The following SV2C variants were observed in gnomAD, a reference collection of about 807,000 sequenced individuals.
SV2C encodes solute carrier family 22 member B3.
A neutral mutation model predicts 79.7 loss-of-function variants in SV2C; 49 were observed. The observed-to-expected ratio is 0.61, with a 90% CI of 0.49 to 0.78. The LOEUF (loss-of-function observed/expected upper bound fraction) is 0.78, where lower values mean the gene tolerates loss of function less well. Ranked by LOEUF, SV2C falls within the 30% of genes least tolerant of loss-of-function variation. The pLI, the probability that SV2C is intolerant of heterozygous loss-of-function variation, is 0.00. For missense variants in SV2C, 833 were observed against 912.9 expected (o/e 0.91, Z 1.13); for synonymous variants, 334 against 333.2 (o/e 1.00, Z -0.03).
chr5:75,847,784 A>C, the SV2C span, among the ~76,000 whole-genome samples: 65 of 152,298 alleles, frequency 4.3e-4, no homozygotes, highest in Non-Finnish European at 7.6e-4. Context: ...GCTAGAGGAG[A>C]GGAGATTTTA....
intron 1 of SV2C, among the ~76,000 whole-genome samples, chr5:76,115,166 C>T (rs1357259413): frequency 6.6e-6 from 1 of 152,166 alleles, no homozygotes; most frequent in Non-Finnish European, 1.5e-5. Context: ...AATTTAGGAA[C>T]AATCGCGCGT....
chr5:75,916,993 C>T, the SV2C span, among the ~76,000 whole-genome samples: 1 of 152,158 alleles, frequency 6.6e-6, no homozygotes, highest in African/African-American at 2.4e-5. Context: ...GATTCTCCAC[C>T]GTCTCCAAAT....
Position 76,329,666 on chromosome 5 carries a change from T to C in SV2C, c.*4119T>C, listed in dbSNP as rs550590055. The C allele has an allele frequency of 1.3e-5, 2 of 152,356 alleles. No individual in the cohort carries two copies. Among genetic ancestry groups the C allele is most frequent in the South Asian group, 4.1e-4 (2 of 4,828 alleles). The allele number at this position is 152,356 out of a possible 1,614,324, so 9.4% of individuals were successfully genotyped here. On this transcript the variant is annotated 3_prime_UTR_variant, in exon 13 of 13. Coordinates refer to ENST00000502798, the MANE Select transcript of SV2C (RefSeq NM_014979.4). ...TTTCCAAAGCAGTCCAGGGGAATAC[T>C]TTCTGATTCCCTCTGCCAATCAAAA...
At chr5:76,021,743 T>A in the SV2C span, among the ~76,000 whole-genome samples, 2 of 152,194 alleles carry the variant, frequency 1.3e-5, no homozygotes, top group Non-Finnish European at 2.9e-5. Flanking sequence ...TGCTGGTGAT[T>A]CATTTGAAAT....
At chr5:75,980,189 AC>A in the SV2C span, among the ~76,000 whole-genome samples, 2 of 152,186 alleles carry the variant, frequency 1.3e-5, no homozygotes, top group African/African-American at 4.8e-5. Context: ...CCCTGAACAG[AC>A]CTGTAAAGAG....
intron 4 of SV2C, among the ~76,000 whole-genome samples, chr5:76,251,223 A>G (rs1223500460): frequency 6.6e-6 from 1 of 152,126 alleles, no homozygotes; most frequent in African/African-American, 2.4e-5. Context: ...TTGGCATGCA[A>G]TAGAGTCACC....
chr5:76,250,738 C>T (rs1319963494), intron 4 of SV2C, among the ~76,000 whole-genome samples: 1 of 152,152 alleles, frequency 6.6e-6, no homozygotes, highest in Non-Finnish European at 1.5e-5. Context: ...TATGCTGGCT[C>T]AGTACTAAGC....
At position 76,300,775 on chromosome 5, in the gene SV2C, G is replaced by A. The variant is rs199778431; in HGVS notation, c.1683G>A (p.Ser561=). The change falls in exon 11 of 13, where the codon TCG becomes TCA. Residue 561 remains serine (S), a synonymous_variant. Transcript: ENST00000502798. ...TTGACAGTGAATTTAAAAACTGCTC[G>A]TTTTTTCACAACAAGACGGGATGTC... ...KFIDSEFKNC[S]FFHNKTGCQI... 1,316 of 1,614,106 alleles carry A rather than the reference G, an allele frequency of 8.2e-4. 8 individuals carry two copies. In the Middle Eastern group the frequency reaches 0.011, roughly 13 times the overall value.
chr5:76,305,899 G>A (rs1383144188), intron 12 of SV2C, among the ~76,000 whole-genome samples: 1 of 152,182 alleles, frequency 6.6e-6, no homozygotes, highest in Non-Finnish European at 1.5e-5. Flanking sequence ...CACAAAAAGA[G>A]GTGGGAGGGG....
At chr5:75,990,449 T>G in the SV2C span, among the ~76,000 whole-genome samples, 1 of 152,022 alleles carries the variant, frequency 6.6e-6, no homozygotes, top group African/African-American at 2.4e-5. Context: ...CGTGAGTTAA[T>G]AAACTCTTTG....
intron 2 of SV2C, among the ~76,000 whole-genome samples, chr5:76,185,685 A>G (rs2112309688): frequency 6.6e-6 from 1 of 152,364 alleles, no homozygotes; most frequent in South Asian, 2.1e-4. Flanking sequence ...ACCATGTTCC[A>G]AGGCTGCATA....
intron 12 of SV2C, among the ~76,000 whole-genome samples, chr5:76,348,027 A>G (rs567646765): frequency 1.1e-4 from 16 of 152,322 alleles, no homozygotes; most frequent in African/African-American, 3.8e-4. Context: ...TTATAGAATC[A>G]TACAGAATAG....
chr5:76,256,929 C>G (rs1746285937), intron 4 of SV2C, among the ~76,000 whole-genome samples: 1 of 152,222 alleles, frequency 6.6e-6, no homozygotes, highest in South Asian at 2.1e-4. Context: ...TGCATTTGAA[C>G]TTCTACCTGC....
chr5:76,093,159 C>A (rs978685839), intron 1 of SV2C, among the ~76,000 whole-genome samples: 18 of 152,250 alleles, frequency 1.2e-4, no homozygotes, highest in African/African-American at 4.1e-4. Flanking sequence ...GAGCACCCAT[C>A]GAAAATCAGA....
At chr5:75,881,258 T>G in the SV2C span, among the ~76,000 whole-genome samples, 3 of 152,180 alleles carry the variant, frequency 2.0e-5, no homozygotes, top group Admixed American at 6.5e-5. Flanking sequence ...CCTCAATTAA[T>G]CTGAGGAAAT....
At chr5:76,139,032 T>G (rs1749163314) in intron 2 of SV2C, among the ~76,000 whole-genome samples, 1 of 151,590 alleles carries the variant, frequency 6.6e-6, no homozygotes, top group African/African-American at 2.4e-5. Flanking sequence ...GGCAGGAGAA[T>G]GGCATGAACC....
At chr5:76,142,050 A>G (rs1309567348) in intron 2 of SV2C, among the ~76,000 whole-genome samples, 5 of 152,118 alleles carry the variant, frequency 3.3e-5, no homozygotes, top group African/African-American at 9.7e-5. Flanking sequence ...ATGGCCTGAG[A>G]TTACTGCTGA....
chr5:76,260,017 G>T (rs112404032), intron 4 of SV2C, among the ~76,000 whole-genome samples: 16,309 of 152,148 alleles, frequency 0.11, 973 homozygotes, highest in South Asian at 0.17. Context: ...TTGGGAAGTT[G>T]CCACACTGCT....
chr5:75,927,172 T>C, the SV2C span, among the ~76,000 whole-genome samples: 2 of 152,148 alleles, frequency 1.3e-5, no homozygotes, highest in Non-Finnish European at 2.9e-5. Flanking sequence ...GAAGGGGCTA[T>C]GGTTTAAATG....
Sources: allele counts gnomAD v4.1 joint callset (sites outside exome capture counted in the v4.1 genomes callset), GRCh38; gene constraint gnomAD v4.1.1; transcripts MANE v1.5; gene names NCBI Gene and HGNC (gene_info 2026-07-23, HGNC 2026-07-21).